Variants in BCKDHB observed in about 807,000 individuals in gnomAD.
The protein encoded by BCKDHB is branched chain keto acid dehydrogenase E1 subunit beta.
In BCKDHB, 41 loss-of-function variants were observed where a neutral mutation model predicts 48.5. That is an observed-to-expected ratio of 0.85 (90% CI 0.66 to 1.10). BCKDHB has a LOEUF of 1.10. BCKDHB is among the 50% of genes least tolerant of loss of function. The pLI is 0.00. For synonymous variants in BCKDHB, 201 were observed against 174.8 expected (o/e 1.15, Z -1.18); for missense variants, 496 against 494.2 (o/e 1.00, Z -0.03).
At chr6:80,354,121 CTCACTATGCAGGTTTTCTAT>C in the BCKDHB span, among the ~76,000 whole-genome samples, 1 of 152,070 alleles carries the variant, frequency 6.6e-6, no homozygotes, top group Non-Finnish European at 1.5e-5. Flanking sequence ...AAAATGTTCT[CTCACTATGCAGGTTTTCTAT>C]TCACCCTATT....
At chr6:80,300,504 A>G (rs1562214235) in intron 9 of BCKDHB, among the ~76,000 whole-genome samples, 1 of 152,262 alleles carries the variant, frequency 6.6e-6, no homozygotes, top group Non-Finnish European at 1.5e-5. Context: ...AGCCAGTTTC[A>G]TAAAACAGTT....
intron 9 of BCKDHB, among the ~76,000 whole-genome samples, chr6:80,318,406 G>T (rs1434992007): frequency 6.6e-6 from 1 of 152,094 alleles, no homozygotes; most frequent in Non-Finnish European, 1.5e-5. Context: ...AAAATTGGGG[G>T]CTAGGCGTGG....
rs565410222 is a variant in BCKDHB, at chr6:80,132,533, A to C, written c.343+3304A>C. On this transcript the variant is annotated intron_variant, in intron 3 of 9. Coordinates refer to ENST00000320393, the MANE Select transcript of BCKDHB (RefSeq NM_183050.4). ...TCTGATTTTATTTTCCTTAAAAAAT[A>C]GGTTAAAATGGGGAGAAACTAACTC... Among the ~76,000 whole-genome samples, 104 of 152,314 alleles carry C rather than the reference A, an allele frequency of 6.8e-4. 1 individual carries two copies. In the Middle Eastern group the frequency reaches 0.017, roughly 25 times the overall value.
chr6:80,443,404 C>T, the BCKDHB span: 1 of 141,580 alleles, frequency 7.1e-6, no homozygotes, highest in African/African-American at 3.2e-5. Context: ...TCTCTTTTTT[C>T]CTTGAATGTG....
At chr6:80,380,915 CATTT>C in the BCKDHB span, among the ~76,000 whole-genome samples, 124 of 152,006 alleles carry the variant, frequency 8.2e-4, no homozygotes, top group African/African-American at 2.7e-3. Flanking sequence ...TTGCTGAAGA[CATTT>C]ATTAGTTCTA....
intron 6 of BCKDHB, among the ~76,000 whole-genome samples, chr6:80,197,641 G>A (rs1774190414): frequency 6.6e-6 from 1 of 152,118 alleles, no homozygotes; most frequent in South Asian, 2.1e-4. Context: ...TTACAAGGCT[G>A]GAAAGACAGG....
chr6:80,342,323 T>A (rs7762511), intron 9 of BCKDHB, among the ~76,000 whole-genome samples: 3 of 151,866 alleles, frequency 2.0e-5, no homozygotes, highest in Non-Finnish European at 4.4e-5. Flanking sequence ...TGAATAAATA[T>A]GAAGGTTTTA....
intron 3 of BCKDHB, among the ~76,000 whole-genome samples, chr6:80,156,729 A>G (rs565223487): frequency 6.6e-6 from 1 of 152,286 alleles, no homozygotes; most frequent in Admixed American, 6.5e-5. Context: ...TGTACAGTGC[A>G]TTTAGGTGAA....
rs147821043 is a variant in BCKDHB at position 80,188,711 on chromosome 6, A to G, written c.743-12223A>G. On this transcript the variant is annotated intron_variant, in intron 6 of 9. Coordinates refer to ENST00000320393, the MANE Select transcript of BCKDHB (RefSeq NM_183050.4). Reference sequence around the variant, plus strand: ...GCTTACTATGCTTATTACCTGGGTGATGAAATAATTTGTATACCAAGCCCC... The same window carrying G: ...GCTTACTATGCTTATTACCTGGGTGGTGAAATAATTTGTATACCAAGCCCC... Among the ~76,000 whole-genome samples, 542 of 152,308 alleles carry G rather than the reference A, an allele frequency of 3.6e-3. 7 individuals carry two copies. The highest frequency in any genetic ancestry group is 0.031 in the Admixed American group (471 of 15,302).
At chr6:80,268,571 T>C (rs1396484979) in intron 8 of BCKDHB, among the ~76,000 whole-genome samples, 1 of 152,066 alleles carries the variant, frequency 6.6e-6, no homozygotes, top group Non-Finnish European at 1.5e-5. Flanking sequence ...AAGGTTCAGT[T>C]GTCTGTAAGA....
the BCKDHB span, among the ~76,000 whole-genome samples, chr6:80,410,317 C>T: frequency 1.3e-5 from 2 of 152,214 alleles, no homozygotes; most frequent in African/African-American, 4.8e-5. Flanking sequence ...GAGAGATCCA[C>T]TGTTAGTCTG....
chr6:80,233,508 C>G (rs1166228229), intron 8 of BCKDHB, among the ~76,000 whole-genome samples: 1 of 152,122 alleles, frequency 6.6e-6, no homozygotes, highest in Admixed American at 6.5e-5. Flanking sequence ...AATTCTTTCT[C>G]TCTGGATCGA....
intron 9 of BCKDHB, among the ~76,000 whole-genome samples, chr6:80,321,806 C>T (rs1014913431): frequency 3.3e-5 from 5 of 152,114 alleles, no homozygotes; most frequent in East Asian, 1.9e-4. Flanking sequence ...TCTGTCTTTC[C>T]GTTATTCTCT....
chr6:80,361,786 T>C, the BCKDHB span, among the ~76,000 whole-genome samples: 22 of 152,208 alleles, frequency 1.4e-4, no homozygotes, highest in African/African-American at 4.8e-4. Context: ...AGAGGGATTG[T>C]CACGTTTCCA....
chr6:80,222,644 T>C (rs1273696233), intron 8 of BCKDHB, among the ~76,000 whole-genome samples: 1 of 152,174 alleles, frequency 6.6e-6, no homozygotes, highest in Non-Finnish European at 1.5e-5. Flanking sequence ...AGTGTTCCCG[T>C]GGCATTTTCC....
chr6:80,290,280 C>A (rs1411546864), intron 9 of BCKDHB, among the ~76,000 whole-genome samples: 1 of 152,168 alleles, frequency 6.6e-6, no homozygotes, highest in Admixed American at 6.5e-5. Flanking sequence ...GGTATGCCTA[C>A]CTCCACAGAG....
At chr6:80,167,859 A>G in intron 4 of BCKDHB, 48 bp downstream of exon 4, 2 of 1,583,976 alleles carry the variant, frequency 1.3e-6, no homozygotes, top group Non-Finnish European at 1.7e-6. Context: ...GAAATATTCA[A>G]GTATTGCCGC....
intron 9 of BCKDHB, among the ~76,000 whole-genome samples, chr6:80,340,425 G>A (rs1769826668): frequency 6.6e-6 from 1 of 152,162 alleles, no homozygotes; most frequent in Admixed American, 6.5e-5. Context: ...ATATGTTATT[G>A]TTCCACGTGA....
the BCKDHB span, among the ~76,000 whole-genome samples, chr6:80,412,130 A>G: frequency 2.1e-5 from 3 of 146,232 alleles, no homozygotes; most frequent in Admixed American, 7.0e-5. Context: ...ATTTTATACT[A>G]TTGGTCACAG....
Sources: allele counts gnomAD v4.1 joint callset (sites outside exome capture counted in the v4.1 genomes callset), GRCh38; gene constraint gnomAD v4.1.1; transcripts MANE v1.5; gene names NCBI Gene and HGNC (gene_info 2026-07-23, HGNC 2026-07-21).